Variants in FANCA observed in about 807,000 individuals in gnomAD.
The protein encoded by FANCA is Fanconi anemia group A protein.
In FANCA, 236 loss-of-function variants were observed where a neutral mutation model predicts 194.3. The observed-to-expected ratio is 1.21, with a 90% CI of 1.09 to 1.35. FANCA has a LOEUF of 1.35. Ranked by LOEUF, FANCA falls within the 40% of genes most tolerant of loss-of-function variation. The pLI is 0.00. For synonymous variants in FANCA, 1,014 were observed against 715.8 expected, an observed-to-expected ratio of 1.42 and a Z score of -6.65; for missense variants, 2,628 against 1,813.9, an observed-to-expected ratio of 1.45 and a Z score of -8.15.
At chr16:89,756,314 AC>A (rs1278755787) in intron 30 of FANCA, among the ~76,000 whole-genome samples, 3 of 152,202 alleles carry the variant, frequency 2.0e-5, no homozygotes, top group Non-Finnish European at 4.4e-5. Context: ...ATCAAATAGC[AC>A]TTAATACCCA....
chr16:89,792,731 A>G, intron 11 of FANCA, 184 bp from the exon 12 acceptor site: 1 of 570,554 alleles, frequency 1.8e-6, no homozygotes. Context: ...GACCACTACC[A>G]TCAATGCGCG....
intron 31 of FANCA, among the ~76,000 whole-genome samples, chr16:89,751,375 G>A (rs1419531043): frequency 1.3e-5 from 2 of 152,110 alleles, no homozygotes; most frequent in African/African-American, 2.4e-5. Flanking sequence ...ACAGGTGCAC[G>A]CTGTCAGGAT....
At chr16:89,769,609 C>T (rs765381816) in intron 26 of FANCA, 1 of 596,732 alleles carries the variant, frequency 1.7e-6, no homozygotes, top group South Asian at 2.0e-5. Context: ...CTATTAATTT[C>T]AGCAGTTTAG....
In FANCA at chr16:89,738,917, G is replaced by A. The variant is rs139478274; in HGVS notation, c.4225C>T (p.Arg1409Trp). 147 of 1,614,258 alleles carry A rather than the reference G, an allele frequency of 9.1e-5. No homozygotes were observed. The highest frequency in any genetic ancestry group is 6.0e-4 in the East Asian group (27 of 44,890). ...ARLFLLQLIP[R>W]CPKKSFSHVA... is the part of the protein sequence containing the mutation. Reference sequence around the variant, plus strand: ...TGTGAGAAGCTCTTTTTCGGGCACCGAGGTATTAACTGCAGCAGAAAAAGA... The same window carrying A: ...TGTGAGAAGCTCTTTTTCGGGCACCAAGGTATTAACTGCAGCAGAAAAAGA... Residue 1409 changes from arginine (R) to tryptophan (W), a missense_variant, in exon 42 of 43, where the codon CGG (arginine) becomes TGG (tryptophan). By Grantham distance (101) the Arg-to-Trp change is moderately radical. Coordinates refer to ENST00000389301, the MANE Select transcript of FANCA (RefSeq NM_000135.4).
chr16:89,783,164 G>A (rs931842969), intron 15 of FANCA, 62 bp from the exon 16 acceptor site: 3 of 1,275,328 alleles, frequency 2.4e-6, no homozygotes, highest in South Asian at 1.2e-5. Context: ...CTCCAGGGAG[G>A]CCACAATTCA....
At chr16:89,797,155 G>A (rs1453110769) in intron 10 of FANCA, among the ~76,000 whole-genome samples, 13 of 151,616 alleles carry the variant, frequency 8.6e-5, no homozygotes, top group African/African-American at 2.9e-4. Context: ...GCGAAATTCT[G>A]TCTCAAAAAA....
chr16:89,737,618 G>C lies in FANCA; in HGVS notation c.*983C>G. 8.9e-7 allele frequency: 1 copy of C among 1,127,752 alleles called. No homozygotes were observed. The highest frequency in any genetic ancestry group is 1.2e-6 in the Non-Finnish European group (1 of 822,216). The allele number at this position is 1,127,752 out of a possible 1,614,324, so 69.9% of individuals were successfully genotyped here. A position where few individuals can be genotyped will look rare whatever the true frequency, so the allele number is the denominator to read the frequency against. Reference sequence around the variant, plus strand: ...ATGCACACAGCTGATGAAGCCACGTGACAGTGTATAAAGCAGTTTAAAGAT... The same window carrying C: ...ATGCACACAGCTGATGAAGCCACGTCACAGTGTATAAAGCAGTTTAAAGAT... On this transcript the variant is annotated 3_prime_UTR_variant, in exon 43 of 43. Coordinates refer to ENST00000389301, the MANE Select transcript of FANCA (RefSeq NM_000135.4).
intron 3 of FANCA, among the ~76,000 whole-genome samples, chr16:89,812,121 G>A (rs1018350517): frequency 1.4e-5 from 2 of 143,182 alleles, no homozygotes; most frequent in African/African-American, 5.1e-5. Context: ...GGATTACAAG[G>A]TCAGGAGATC....
At position 89,739,303 on chromosome 16, in the gene FANCA, CAT is replaced by C. The variant is rs2062060996; in HGVS notation, c.4011-16_4011-15del. ...TAGGAGAGAAGACTAGAGGTAAAGA[CAT>C]AGTGACAAATGGCTACAGACTGCTG... On this transcript the variant is annotated splice_polypyrimidine_tract_variant and intron_variant, in intron 40 of 42. Transcript: ENST00000389301. 6 of 1,613,992 alleles carry C rather than the reference CAT, an allele frequency of 3.7e-6. No homozygotes were observed. The highest frequency in any genetic ancestry group is 4.2e-6 in the Non-Finnish European group (5 of 1,180,020).
intron 10 of FANCA, among the ~76,000 whole-genome samples, chr16:89,796,270 G>T (rs1225796944): frequency 6.6e-6 from 1 of 152,170 alleles, no homozygotes; most frequent in South Asian, 2.1e-4. Context: ...GGTGGGGAAG[G>T]GCAGGCCGCG....
chr16:89,790,430 T>C (rs1208643414), intron 14 of FANCA, among the ~76,000 whole-genome samples: 1 of 146,036 alleles, frequency 6.8e-6, no homozygotes, highest in Non-Finnish European at 1.5e-5. Context: ...AATAAATAAA[T>C]AAATAAATAA....
chr16:89,803,144 C>A, intron 8 of FANCA, 115 bp downstream of exon 8: 1 of 1,013,800 alleles, frequency 9.9e-7, no homozygotes, highest in South Asian at 1.3e-5. Context: ...ATCACATGTA[C>A]CCCGTAAATA....
At chr16:89,785,648 A>G (rs1204529445) in intron 14 of FANCA, among the ~76,000 whole-genome samples, 11 of 152,168 alleles carry the variant, frequency 7.2e-5, no homozygotes, top group Admixed American at 5.2e-4. Context: ...TGAACGCATC[A>G]TAGTGAACCT....
intron 30 of FANCA, among the ~76,000 whole-genome samples, chr16:89,755,947 C>T (rs1437374846): frequency 6.6e-6 from 1 of 152,032 alleles, no homozygotes; most frequent in East Asian, 1.9e-4. Context: ...AGCCCCCGCA[C>T]ACCTAGGCCA....
chr16:89,776,311 G>A (rs567544117), intron 20 of FANCA, among the ~76,000 whole-genome samples: 2 of 151,066 alleles, frequency 1.3e-5, no homozygotes, highest in African/African-American at 2.4e-5. Context: ...GGGATTACAG[G>A]CGCCTGCCAC....
At chr16:89,741,024 C>G (rs2062120161) in intron 37 of FANCA, 158 bp from the exon 38 acceptor site, 1 of 688,150 alleles carries the variant, frequency 1.5e-6, no homozygotes, top group Non-Finnish European at 2.6e-6. Flanking sequence ...TCTAGAGAGA[C>G]AGCTTAATTG....
rs530947316 is a variant in FANCA at position 89,811,690 on chromosome 16, G to T, written c.284-619C>A. On this transcript the variant is annotated intron_variant, in intron 3 of 42. Coordinates refer to ENST00000389301, the MANE Select transcript of FANCA (RefSeq NM_000135.4). The stretch of plus-strand genomic sequence containing the variant: ...GCAACCTGGAAGCAGGCAATGCCAA[G>T]AAATCATTTTCTAATTTATTTGTCT... Among the ~76,000 whole-genome samples, 7 of 151,924 alleles carry T rather than the reference G, an allele frequency of 4.6e-5. No individual in the cohort carries two copies. In the South Asian group the frequency reaches 1.5e-3, roughly 32 times the overall value.
intron 3 of FANCA, among the ~76,000 whole-genome samples, chr16:89,813,326 T>G (rs1355343707): frequency 6.6e-6 from 1 of 151,626 alleles, no homozygotes; most frequent in Admixed American, 6.6e-5. Flanking sequence ...GAGGATCACT[T>G]GAGGCCAGGA....
At chr16:89,776,016 A>G (rs2039489153) in intron 20 of FANCA, among the ~76,000 whole-genome samples, 2 of 151,930 alleles carry the variant, frequency 1.3e-5, no homozygotes, top group Admixed American at 6.6e-5. Flanking sequence ...AATATATCAT[A>G]TTAATCATAT....
Sources: allele counts gnomAD v4.1 joint callset (sites outside exome capture counted in the v4.1 genomes callset), GRCh38; gene constraint gnomAD v4.1.1; transcripts MANE v1.5; gene names NCBI Gene and HGNC (gene_info 2026-07-23, HGNC 2026-07-21).